ZFYVE28: variants seen among roughly 807,000 people sequenced by gnomAD.
ZFYVE28 encodes the protein zinc finger FYVE-type containing 28, also known as lateral signaling target protein 2 homolog.
A neutral mutation model predicts 82.1 loss-of-function variants in ZFYVE28; 40 were observed. The observed-to-expected ratio is 0.49, with a 90% CI of 0.38 to 0.63. The LOEUF (loss-of-function observed/expected upper bound fraction) is 0.63. ZFYVE28 is among the 30% of genes least tolerant of loss of function. ZFYVE28 has a pLI of 0.00. For synonymous variants in ZFYVE28, 612 were observed against 546.1 expected (o/e 1.12, Z -1.68); for missense variants, 1,321 against 1,242.1 (o/e 1.06, Z -0.96).
At chr4:2,401,453 C>G (rs1731165253) in intron 1 of ZFYVE28, among the ~76,000 whole-genome samples, 1 of 152,176 alleles carries the variant, frequency 6.6e-6, no homozygotes, top group African/African-American at 2.4e-5. Flanking sequence ...GTCGCAGGGA[C>G]ACACCCTCCC....
In ZFYVE28 at chr4:2,386,731, T is replaced by A. The variant is rs534365601; in HGVS notation, c.39+31554A>T. On this transcript the variant is annotated intron_variant, in intron 1 of 12. Transcript: ENST00000290974. Reference sequence around the variant, plus strand: ...CCTGGGACATCTCAGCCTCCAGGACTGTAAGAAACCCAAATGCCTTTTCTT... The same window carrying A: ...CCTGGGACATCTCAGCCTCCAGGACAGTAAGAAACCCAAATGCCTTTTCTT... 4.6e-5 allele frequency among the ~76,000 whole-genome samples: 7 copies of A among 152,256 alleles called. 1 individual carries two copies. Among genetic ancestry groups the A allele is most frequent in the Admixed American group, 3.9e-4 (6 of 15,292 alleles).
At chr4:2,345,944 A>G (rs1431963875) in intron 2 of ZFYVE28, among the ~76,000 whole-genome samples, 1 of 152,152 alleles carries the variant, frequency 6.6e-6, no homozygotes, top group Non-Finnish European at 1.5e-5. Flanking sequence ...CCCAGCAAAA[A>G]TATCTTTCAA....
chr4:2,355,422 T>C (rs1725171607), intron 1 of ZFYVE28, among the ~76,000 whole-genome samples: 4 of 146,870 alleles, frequency 2.7e-5, no homozygotes, highest in Non-Finnish European at 6.0e-5. Flanking sequence ...GCTGGGATTA[T>C]AGGCATCCAT....
rs527916996 is a variant in ZFYVE28, at chr4:2,335,914, G to A, written c.612-120C>T. 47 of 769,340 alleles carry A rather than the reference G, an allele frequency of 6.1e-5. No homozygotes were observed. The highest frequency in any genetic ancestry group is 1.9e-4 in the East Asian group (7 of 36,924). The allele number at this position is 769,340 out of a possible 1,614,324, so 47.7% of individuals were successfully genotyped here. ...ACCTGCAGCCACGCGTGGTGGCCAC[G>A]TCAAGAGGTGACACATGCCACCCCC... On this transcript the variant is annotated intron_variant, in intron 5 of 12. Coordinates refer to ENST00000290974, the MANE Select transcript of ZFYVE28 (RefSeq NM_020972.3). This position sits in a 1 kb window ranked among gnomAD's most constrained non-coding sequence, Gnocchi z 5.8.
chr4:2,311,951 ATTG>A (rs546254351), intron 7 of ZFYVE28, among the ~76,000 whole-genome samples: 143 of 152,140 alleles, frequency 9.4e-4, no homozygotes, highest in African/African-American at 3.3e-3. Context: ...TAAGTTTTTT[ATTG>A]TTGTTTTAAT....
chr4:2,378,309 C>A (rs750081231), intron 1 of ZFYVE28, among the ~76,000 whole-genome samples: 65 of 152,312 alleles, frequency 4.3e-4, no homozygotes, highest in Middle Eastern at 3.4e-3. Context: ...CTACCACACT[C>A]CAACCTGGGT....
intron 6 of ZFYVE28, among the ~76,000 whole-genome samples, chr4:2,323,077 T>C (rs1719340231): frequency 6.6e-6 from 1 of 152,222 alleles, no homozygotes; most frequent in East Asian, 1.9e-4. Flanking sequence ...GGGTATGTGG[T>C]ATGACCATAT....
chr4:2,418,259 C>T lies in ZFYVE28; in HGVS notation c.39+26G>A. 2.0e-6 allele frequency: 3 copies of T among 1,531,568 alleles called. No homozygotes were observed. 94.9% of individuals were successfully genotyped at this position (1,531,568 alleles called of 1,614,324 possible). ...AAGGGAGAGGCCGCGACGCGGGGGG[C>T]GTCCGGCCCGAGCGGGGCCGCTCAC... On this transcript the variant is annotated intron_variant, in intron 1 of 12. Coordinates refer to ENST00000290974, the MANE Select transcript of ZFYVE28 (RefSeq NM_020972.3). The surrounding 1 kb of genome is among the most constrained non-coding windows in gnomAD (Gnocchi z 4.6).
rs1716236286 is a variant in ZFYVE28, at chr4:2,304,640, C to T, written c.1700G>A (p.Cys567Tyr). 4 of 1,612,496 alleles carry T rather than the reference C, an allele frequency of 2.5e-6. No individual in the cohort carries two copies. Among genetic ancestry groups the T allele is most frequent in the Non-Finnish European group, 8.5e-7 (1 of 1,179,890 alleles). Residue 567 changes from cysteine to tyrosine, a missense_variant, in exon 8 of 13, where the codon TGT becomes TAT. Physicochemically the swap from Cys to Tyr is radical, Grantham distance 194. This residue lies in a region of ZFYVE28 where 978 missense variants were observed against 833.7 expected (regional missense o/e 1.17). Transcript: ENST00000290974. ...TNCLLHSCVCCGSCGDSREDV... is the reference protein window; with the variant it reads ...TNCLLHSCVCYGSCGDSREDV... Reference sequence around the variant, plus strand: ...CTCCCTGCTGTCCCCGCAGCTCCCACAGCACACGCAGGAATGCAGAAGGCA... The same window carrying T: ...CTCCCTGCTGTCCCCGCAGCTCCCATAGCACACGCAGGAATGCAGAAGGCA...
At chr4:2,373,947 C>T (rs4246690) in intron 1 of ZFYVE28, among the ~76,000 whole-genome samples, 101,572 of 152,006 alleles carry the variant, frequency 0.67, 34,275 homozygotes, top group East Asian at 0.8. Context: ...TCCTCAGCAC[C>T]GCCCCCCATC....
At chr4:2,328,901 A>C (rs1156274408) in intron 6 of ZFYVE28, 1 of 408,552 alleles carries the variant, frequency 2.4e-6, no homozygotes, top group Non-Finnish European at 4.4e-6. Context: ...TTATTGAATG[A>C]TCTTGGCCCC....
At chr4:2,290,435 CCCCT>C (rs1713448279) in intron 8 of ZFYVE28, among the ~76,000 whole-genome samples, 1 of 152,212 alleles carries the variant, frequency 6.6e-6, no homozygotes, top group Non-Finnish European at 1.5e-5. Flanking sequence ...GTCATGGTGA[CCCCT>C]CCATGATCCC....
rs973371433 is a variant in ZFYVE28, at chr4:2,418,242, G to A, written c.39+43C>T. ...GACGGGCGGTCCTGGGGAAGGGAGA[G>A]GCCGCGACGCGGGGGGCGTCCGGCC... On this transcript the variant is annotated intron_variant, in intron 1 of 12. Coordinates refer to ENST00000290974, the MANE Select transcript of ZFYVE28 (RefSeq NM_020972.3). The surrounding 1 kb of genome is among the most constrained non-coding windows in gnomAD (Gnocchi z 4.6). The A allele has an allele frequency of 1.1e-5, 17 of 1,527,778 alleles. No homozygotes were observed. The highest frequency in any genetic ancestry group is 3.4e-4 in the Middle Eastern group (2 of 5,966). The allele number at this position is 1,527,778 out of a possible 1,614,324, so 94.6% of individuals were successfully genotyped here. A position where few individuals can be genotyped will look rare whatever the true frequency, so the allele number is the denominator to read the frequency against.
rs868864807 is a variant in ZFYVE28 at position 2,298,108 on chromosome 4, C to T, written c.2051+6181G>A. On this transcript the variant is annotated intron_variant, in intron 8 of 12. Transcript: ENST00000290974. ...GACGAGTGGTGACAGTGGGGTGACA[C>T]GGTGACACAGTGACACGGCGGGCTG... Among the ~76,000 whole-genome samples the T allele has an allele frequency of 4.2e-5, 6 of 144,514 alleles. No individual in the cohort carries two copies. The South Asian group carries it at 6.7e-4, about 16-fold the overall frequency. The allele number at this position is 144,514 out of a possible 152,430, so 94.8% of individuals were successfully genotyped here. A position where few individuals can be genotyped will look rare whatever the true frequency, so the allele number is the denominator to read the frequency against.
At chr4:2,401,509 C>T (rs1731172021) in intron 1 of ZFYVE28, among the ~76,000 whole-genome samples, 1 of 152,236 alleles carries the variant, frequency 6.6e-6, no homozygotes, top group African/African-American at 2.4e-5. Context: ...GGTGCTTTCA[C>T]TCTGACACCA....
At position 2,320,231 on chromosome 4, in the gene ZFYVE28, G is replaced by C. The variant is rs143184949; in HGVS notation, c.742C>G (p.Arg248Gly). Residue 248 changes from arginine (R) to glycine (G), a missense_variant, in exon 7 of 13, where the codon CGC (arginine) becomes GGC (glycine). Arg to Gly is a moderately radical substitution (Grantham distance 125, BLOSUM62 -2). Coordinates refer to ENST00000290974, the MANE Select transcript of ZFYVE28 (RefSeq NM_020972.3). This position sits in a 1 kb window ranked among gnomAD's most constrained non-coding sequence, Gnocchi z 5.1. Reference protein sequence around the residue: ...VYADGPLNLDRKVEDMSELFR... With the variant: ...VYADGPLNLDGKVEDMSELFR... ...AGCTCGGACATGTCTTCCACCTTGCGGTCCAAGTTCAGAGGTCCGTCCGCA... is the reference window on the plus strand; with the variant it reads ...AGCTCGGACATGTCTTCCACCTTGCCGTCCAAGTTCAGAGGTCCGTCCGCA... 1 of 1,613,822 alleles carries C rather than the reference G, an allele frequency of 6.2e-7. No homozygotes were observed. The highest frequency in any genetic ancestry group is 8.5e-7 in the Non-Finnish European group (1 of 1,180,000).
chr4:2,283,935 T>C (rs1181790968), intron 8 of ZFYVE28, among the ~76,000 whole-genome samples: 1 of 151,642 alleles, frequency 6.6e-6, no homozygotes, highest in East Asian at 1.9e-4. Flanking sequence ...CAGGCAGAGG[T>C]TGAGGCTAAG....
At chr4:2,331,202 G>A (rs1343859294) in intron 6 of ZFYVE28, among the ~76,000 whole-genome samples, 4 of 151,888 alleles carry the variant, frequency 2.6e-5, no homozygotes, top group African/African-American at 7.3e-5. Flanking sequence ...GCACAGGTCC[G>A]GTCTGGGAAG....
intron 8 of ZFYVE28, among the ~76,000 whole-genome samples, chr4:2,288,036 C>G (rs942732063): frequency 1.3e-5 from 2 of 152,162 alleles, no homozygotes; most frequent in Admixed American, 1.3e-4. Context: ...CCTGTCTGGC[C>G]GGGCCCTATC....
Sources: gnomAD v4.1 joint callset for allele counts (sites outside exome capture counted in the v4.1 genomes callset) on GRCh38, gnomAD v4.1.1 for gene constraint, gnomAD v4.1.1 regional missense constraint, Gnocchi (gnomAD v3.1) non-coding constraint, MANE v1.5 for transcripts, NCBI Gene and HGNC (gene_info 2026-07-23, HGNC 2026-07-21) for gene names.